Variants in PSD3 observed in about 807,000 individuals in gnomAD.
PSD3 encodes the protein PH and SEC7 domain-containing protein 3.
In PSD3, 49 loss-of-function variants were observed where a neutral mutation model predicts 105.5. The ratio of observed to expected loss-of-function variants is 0.46; its 90% CI spans 0.37 to 0.59. The LOEUF (loss-of-function observed/expected upper bound fraction) is 0.59. PSD3 is among the 20% of genes least tolerant of loss of function. PSD3 has a pLI of 0.00. For missense variants in PSD3, 1,561 were observed against 1,263.8 expected, an observed-to-expected ratio of 1.24 and a Z score of -3.57; for synonymous variants, 557 against 457.8, an observed-to-expected ratio of 1.22 and a Z score of -2.77.
intron 12 of PSD3, among the ~76,000 whole-genome samples, chr8:18,592,083 G>A (rs556016693): frequency 1.4e-4 from 22 of 152,114 alleles, no homozygotes; most frequent in African/African-American, 4.6e-4. Context: ...GAAATTGACC[G>A]TAAAGAAACA....
intron 9 of PSD3, among the ~76,000 whole-genome samples, chr8:18,712,009 C>T (rs1157293301): frequency 6.6e-6 from 1 of 152,098 alleles, no homozygotes; most frequent in East Asian, 1.9e-4. Context: ...AATTGAACAA[C>T]CTGCTTCTGA....
At chr8:18,651,053 T>A (rs1318001375) in intron 10 of PSD3, among the ~76,000 whole-genome samples, 1 of 152,122 alleles carries the variant, frequency 6.6e-6, no homozygotes, top group African/African-American at 2.4e-5. Flanking sequence ...TTTCAAAAAA[T>A]TTTTCAAGAA....
chr8:18,840,450 T>C (rs1192381841), intron 4 of PSD3, among the ~76,000 whole-genome samples: 1 of 152,228 alleles, frequency 6.6e-6, no homozygotes, highest in African/African-American at 2.4e-5. Context: ...TCATGAGCTT[T>C]CATTTGTCCC....
intron 4 of PSD3, among the ~76,000 whole-genome samples, chr8:18,813,751 T>C (rs968921690): frequency 6.6e-6 from 1 of 152,180 alleles, no homozygotes; most frequent in African/African-American, 2.4e-5. Flanking sequence ...AAGGTCATCA[T>C]TGTCTGTAAC....
At chr8:18,751,173 C>T (rs1805457282) in intron 9 of PSD3, among the ~76,000 whole-genome samples, 1 of 152,150 alleles carries the variant, frequency 6.6e-6, no homozygotes, top group Non-Finnish European at 1.5e-5. Flanking sequence ...GCTGCAGGTC[C>T]CGAGCCCTGC....
intron 9 of PSD3, among the ~76,000 whole-genome samples, chr8:18,749,192 A>C (rs1187059772): frequency 6.6e-6 from 1 of 152,192 alleles, no homozygotes; most frequent in Middle Eastern, 3.2e-3. Context: ...TAACACATGG[A>C]GTACATTCAA....
intron 10 of PSD3, among the ~76,000 whole-genome samples, chr8:18,651,344 T>C (rs1205927368): frequency 3.9e-5 from 6 of 152,240 alleles, no homozygotes. Context: ...CGTGATTTCC[T>C]CTAAGGTTCT....
At chr8:19,070,880 T>C (rs992123341) in intron 1 of PSD3, among the ~76,000 whole-genome samples, 8 of 152,194 alleles carry the variant, frequency 5.3e-5, no homozygotes, top group Non-Finnish European at 1.2e-4. Context: ...TATTCATCCA[T>C]TTTTGTAAAA....
intron 11 of PSD3, among the ~76,000 whole-genome samples, chr8:18,608,869 T>C (rs17518325): frequency 0.18 from 27,240 of 152,112 alleles, 3,051 homozygotes; most frequent in Non-Finnish European, 0.26. Flanking sequence ...TGGAAATGGA[T>C]TGTGTTTAAG....
At chr8:19,074,330 G>A (rs1296546177) in intron 1 of PSD3, among the ~76,000 whole-genome samples, 1 of 151,984 alleles carries the variant, frequency 6.6e-6, no homozygotes, top group Non-Finnish European at 1.5e-5. Context: ...ACCTGGGAAG[G>A]GAAATCTTCC....
In PSD3 at chr8:18,712,248, C is replaced by T. The variant is rs369072482; in HGVS notation, c.2172+53201G>A. Among the ~76,000 whole-genome samples, 24 of 151,080 alleles carry T rather than the reference C, an allele frequency of 1.6e-4. No individual in the cohort carries two copies. In the South Asian group the frequency reaches 4.4e-3, roughly 28 times the overall value. On this transcript the variant is annotated intron_variant, in intron 9 of 15. Coordinates refer to ENST00000327040, the MANE Select transcript of PSD3 (RefSeq NM_015310.4). The stretch of plus-strand genomic sequence containing the variant: ...CCAAGAGCAAACAAACCTCAAAGCC[C>T]GCAGAAGACAAGATATGACTAAAAT...
At chr8:18,676,416 T>C (rs941922504) in intron 9 of PSD3, among the ~76,000 whole-genome samples, 3 of 152,156 alleles carry the variant, frequency 2.0e-5, no homozygotes, top group African/African-American at 7.2e-5. Context: ...AACCCACACC[T>C]CTACCACCTC....
intron 1 of PSD3, among the ~76,000 whole-genome samples, chr8:19,080,634 T>C (rs2129478331): frequency 6.6e-6 from 1 of 152,308 alleles, no homozygotes; most frequent in Non-Finnish European, 1.5e-5. Context: ...TTGCCTGTCA[T>C]GCTCATTTCC....
rs111709284 is a variant in PSD3 at position 18,903,048 on chromosome 8, C to T, written c.131-30315G>A. On this transcript the variant is annotated intron_variant, in intron 2 of 15. Coordinates refer to ENST00000327040, the MANE Select transcript of PSD3 (RefSeq NM_015310.4). ...CCTGTGGCACCTGCATCTTGGAGTGCGAACTTGCTGTCTGTGAAAGGATTG... is the reference window on the plus strand; with the variant it reads ...CCTGTGGCACCTGCATCTTGGAGTGTGAACTTGCTGTCTGTGAAAGGATTG... Among the ~76,000 whole-genome samples the T allele has an allele frequency of 7.7e-3, 1,171 of 152,152 alleles. 15 individuals carry two copies. The highest frequency in any genetic ancestry group is 0.027 in the African/African-American group (1,119 of 41,504).
At chr8:19,068,923 G>T (rs1384153071) in intron 1 of PSD3, among the ~76,000 whole-genome samples, 1 of 152,054 alleles carries the variant, frequency 6.6e-6, no homozygotes, top group African/African-American at 2.4e-5. Flanking sequence ...AAGGTGAACA[G>T]TCCAGCAAGT....
In PSD3 at chr8:18,820,969, C is replaced by T. The variant is rs187374230; in HGVS notation, c.1635-16071G>A. On this transcript the variant is annotated intron_variant, in intron 4 of 15. Transcript: ENST00000327040. ...CTCATGATGTTGCCCAAGCTAGTCT[C>T]GAACTCCTGGACTTAAGTAATTCTC... 5.7e-4 allele frequency among the ~76,000 whole-genome samples: 87 copies of T among 152,228 alleles called. No individual in the cohort carries two copies. The East Asian group carries it at 9.8e-3, about 17-fold the overall frequency.
chr8:18,852,942 T>C (rs1815711451), intron 4 of PSD3, among the ~76,000 whole-genome samples: 1 of 152,158 alleles, frequency 6.6e-6, no homozygotes. Flanking sequence ...TGTTAGATAC[T>C]ATTATCATTC....
intron 4 of PSD3, among the ~76,000 whole-genome samples, chr8:18,806,552 A>C (rs574305009): frequency 6.6e-6 from 1 of 152,378 alleles, no homozygotes; most frequent in East Asian, 1.9e-4. Context: ...CACTTACCAC[A>C]GATGCTAAAC....
At chr8:18,550,989 C>G (rs946181810) in intron 15 of PSD3, among the ~76,000 whole-genome samples, 3 of 152,148 alleles carry the variant, frequency 2.0e-5, no homozygotes, top group Non-Finnish European at 2.9e-5. Flanking sequence ...TTCTCCCTTG[C>G]TTTCGCTAGG....
Sources: gnomAD v4.1 joint callset for allele counts (sites outside exome capture counted in the v4.1 genomes callset) on GRCh38, gnomAD v4.1.1 for gene constraint, MANE v1.5 for transcripts, NCBI Gene and HGNC (gene_info 2026-07-23, HGNC 2026-07-21) for gene names.